PTPN11: variants seen among roughly 807,000 people sequenced by gnomAD.
PTPN11 encodes protein tyrosine phosphatase non-receptor type 11, also known as tyrosine-protein phosphatase non-receptor type 11.
In PTPN11, 6 loss-of-function variants were observed where a neutral mutation model predicts 78.8. The observed-to-expected ratio is 0.08, with a 90% CI of 0.04 to 0.15. The LOEUF (loss-of-function observed/expected upper bound fraction) is 0.15, where lower values mean the gene tolerates loss of function less well. Among genes scored for constraint, PTPN11 ranks in the 10% least tolerant of loss-of-function variants. PTPN11 has a pLI of 1.00. For missense variants in PTPN11, 386 were observed against 744.8 expected (o/e 0.52, Z 5.61); for synonymous variants, 221 against 263.5 (o/e 0.84, Z 1.56).
chr12:112,436,896 A>C (rs1230269517), intron 1 of PTPN11, among the ~76,000 whole-genome samples: 3 of 152,116 alleles, frequency 2.0e-5, no homozygotes, highest in African/African-American at 7.2e-5. Context: ...TTTAATGAAT[A>C]ATTAAATTTA....
intron 1 of PTPN11, among the ~76,000 whole-genome samples, chr12:112,439,418 C>T (rs887557461): frequency 3.9e-5 from 6 of 151,930 alleles, no homozygotes; most frequent in African/African-American, 1.2e-4. Flanking sequence ...CTCAGCCTCC[C>T]AAGTAGCTGG....
intron 1 of PTPN11, among the ~76,000 whole-genome samples, chr12:112,427,520 TG>T (rs2037638405): frequency 6.6e-6 from 1 of 151,418 alleles, no homozygotes; most frequent in African/African-American, 2.4e-5. Context: ...CCCTCCAGCC[TG>T]GGCGACAGAG....
intron 6 of PTPN11, among the ~76,000 whole-genome samples, chr12:112,470,102 T>C (rs1192545292): frequency 2.0e-5 from 3 of 152,116 alleles, no homozygotes; most frequent in Admixed American, 2.0e-4. Context: ...TTAAATTTTT[T>C]GTAGAAGCCA....
chr12:112,419,139 A>AGGGGCCCGGCGCGGGCC lies in PTPN11; in HGVS notation c.14+15_14+31dup, dbSNP rs1818582229. 6.6e-7 allele frequency: 1 copy of AGGGGCCCGGCGCGGGCC among 1,511,236 alleles called. No individual in the cohort carries two copies. The highest frequency in any genetic ancestry group is 1.4e-5 in the African/African-American group (1 of 69,138). 93.6% of individuals were successfully genotyped at this position (1,511,236 alleles called of 1,614,324 possible). A position where few individuals can be genotyped will look rare whatever the true frequency, so the allele number is the denominator to read the frequency against. ...GACATCGCGGAGGTGAGGAGCCCCGAGGGGCCCGGCGCGGGCCTCGGCCCG... is the reference window on the plus strand; with the variant it reads ...GACATCGCGGAGGTGAGGAGCCCCGAGGGGCCCGGCGCGGGCCGGGGCCCGGCGCGGGCCTCGGCCCG... On this transcript the variant is annotated intron_variant, in intron 1 of 15. Coordinates refer to ENST00000351677, the MANE Select transcript of PTPN11 (RefSeq NM_002834.5).
At chr12:112,441,057 C>T (rs1412738864) in intron 1 of PTPN11, among the ~76,000 whole-genome samples, 1 of 150,680 alleles carries the variant, frequency 6.6e-6, no homozygotes. Context: ...CTCCGCTTCC[C>T]GGGTTCAAGC....
At chr12:112,503,580 T>C (rs1479750038) in intron 14 of PTPN11, among the ~76,000 whole-genome samples, 1 of 152,210 alleles carries the variant, frequency 6.6e-6, no homozygotes, top group African/African-American at 2.4e-5. Context: ...CCCAGTGGAC[T>C]GCCTGGGAAA....
Position 112,477,951 on chromosome 12 carries a change from G to T in PTPN11, c.1028G>T (p.Arg343Leu). Residue 343 changes from arginine (R) to leucine (L), a missense_variant, in exon 9 of 16, where the codon CGG becomes CTG. By Grantham distance (102) the Arg-to-Leu change is moderately radical. Around this residue, in one of 3 missense-constraint regions of PTPN11, gnomAD observed 279 missense variants for 503.3 expected, o/e 0.55. Coordinates refer to ENST00000351677, the MANE Select transcript of PTPN11 (RefSeq NM_002834.5). ...CAAAACACGGTGAATGACTTTTGGC[G>T]GATGGTGTTCCAAGAAAACTCCCGA... ...CLQNTVNDFW[R>L]MVFQENSRVI... 6.2e-7 allele frequency: 1 copy of T among 1,614,142 alleles called. No individual in the cohort carries two copies. Among genetic ancestry groups the T allele is most frequent in the Non-Finnish European group, 8.5e-7 (1 of 1,180,026 alleles).
intron 1 of PTPN11, among the ~76,000 whole-genome samples, chr12:112,427,463 G>A (rs1297315911): frequency 2.0e-5 from 3 of 147,420 alleles, no homozygotes; most frequent in Non-Finnish European, 4.5e-5. Flanking sequence ...GGAGAATGGC[G>A]TGAACCCGGG....
At chr12:112,433,263 C>G (rs369924396) in intron 1 of PTPN11, among the ~76,000 whole-genome samples, 14 of 152,252 alleles carry the variant, frequency 9.2e-5, no homozygotes, top group African/African-American at 3.1e-4. Flanking sequence ...CAGTTACTTA[C>G]AGTATTCAGT....
rs374506914 is a variant in PTPN11 at position 112,468,429 on chromosome 12, G to T, written c.757-4515G>T. On this transcript the variant is annotated intron_variant, in intron 6 of 15. Coordinates refer to ENST00000351677, the MANE Select transcript of PTPN11 (RefSeq NM_002834.5). ...AGCCTCTGTGGGCAGAGCATGGAAA[G>T]TCACAACTTCTGAATTGTTTGTATT... Among the ~76,000 whole-genome samples, 6 of 152,312 alleles carry T rather than the reference G, an allele frequency of 3.9e-5. No homozygotes were observed. In the East Asian group the frequency reaches 9.7e-4, roughly 25 times the overall value.
chr12:112,467,633 T>C (rs1280337700), intron 6 of PTPN11, among the ~76,000 whole-genome samples: 1 of 152,180 alleles, frequency 6.6e-6, no homozygotes, highest in African/African-American at 2.4e-5. Flanking sequence ...TAGTTGGGAC[T>C]ACAGGCGCGC....
intron 13 of PTPN11, 82 bp from the exon 14 acceptor site, chr12:112,502,062 T>C (rs1313943737): frequency 6.9e-6 from 8 of 1,154,786 alleles, no homozygotes; most frequent in Non-Finnish European, 1.0e-5. Context: ...CTTTTTTCTT[T>C]TTTTGGGCAA....
At chr12:112,473,803 C>A (rs1242214330) in intron 7 of PTPN11, among the ~76,000 whole-genome samples, 1 of 151,606 alleles carries the variant, frequency 6.6e-6, no homozygotes, top group Non-Finnish European at 1.5e-5. Context: ...CCGAGATGTG[C>A]CATTGCACTC....
At chr12:112,437,671 A>G (rs2135843860) in intron 1 of PTPN11, among the ~76,000 whole-genome samples, 1 of 152,224 alleles carries the variant, frequency 6.6e-6, no homozygotes, top group South Asian at 2.1e-4. Context: ...AGGAAGTTGG[A>G]AGTTTTCCTT....
chr12:112,498,027 C>G (rs1374787731), intron 13 of PTPN11, among the ~76,000 whole-genome samples: 1 of 152,116 alleles, frequency 6.6e-6, no homozygotes, highest in African/African-American at 2.4e-5. Flanking sequence ...GTGGCTCACA[C>G]CTGTAGTCCC....
chr12:112,503,254 G>C lies in PTPN11; in HGVS notation c.1712+998G>C, dbSNP rs1463395013. Reference sequence around the variant, plus strand: ...CAGAAATCCTTCCCGACTCCTTGTTGAAAACACGGTAGGAAAGCATTTGTC... The same window carrying C: ...CAGAAATCCTTCCCGACTCCTTGTTCAAAACACGGTAGGAAAGCATTTGTC... On this transcript the variant is annotated intron_variant, in intron 14 of 15. Transcript: ENST00000351677. 2.0e-5 allele frequency among the ~76,000 whole-genome samples: 3 copies of C among 152,170 alleles called. No homozygotes were observed. The East Asian group carries it at 5.8e-4, about 29-fold the overall frequency.
intron 1 of PTPN11, among the ~76,000 whole-genome samples, chr12:112,424,992 G>A (rs1304331251): frequency 2.0e-5 from 3 of 147,168 alleles, no homozygotes; most frequent in African/African-American, 7.8e-5. Flanking sequence ...GTGTGTGTGT[G>A]TGTGTGTGTG....
chr12:112,488,569 T>C (rs1002992123), intron 12 of PTPN11, 59 bp downstream of exon 12: 82 of 1,508,702 alleles, frequency 5.4e-5, no homozygotes, highest in Admixed American at 1.7e-4. Context: ...GGAAGGAAAG[T>C]GCTCACGAAA....
At chr12:112,440,033 G>A (rs948899942) in intron 1 of PTPN11, among the ~76,000 whole-genome samples, 3 of 152,190 alleles carry the variant, frequency 2.0e-5, no homozygotes, top group Non-Finnish European at 2.9e-5. Flanking sequence ...TAATGTAAGA[G>A]TTTCATTATA....
Sources: gnomAD v4.1 joint callset for allele counts (sites outside exome capture counted in the v4.1 genomes callset) on GRCh38, gnomAD v4.1.1 for gene constraint, gnomAD v4.1.1 regional missense constraint, MANE v1.5 for transcripts, NCBI Gene and HGNC (gene_info 2026-07-23, HGNC 2026-07-21) for gene names.